Variants in PCDH11X observed in about 807,000 individuals in gnomAD.
PCDH11X encodes the protein protocadherin 11 X-linked.
Under a neutral mutation model 53.3 loss-of-function variants are expected in PCDH11X, and 18 were observed. That is an observed-to-expected ratio of 0.34 (90% confidence interval 0.23 to 0.50). PCDH11X has a LOEUF of 0.50. PCDH11X is among the 20% of genes least tolerant of loss of function. The pLI, the probability that PCDH11X is intolerant of heterozygous loss-of-function variation, is 0.98. For synonymous variants in PCDH11X, 279 were observed against 393.3 expected, an observed-to-expected ratio of 0.71 and a Z score of 3.44; for missense variants, 570 against 1,032.4, an observed-to-expected ratio of 0.55 and a Z score of 6.14.
At chrX:91,990,356 TCATTTG>T (rs2062301935) in intron 6 of PCDH11X, among the ~76,000 whole-genome samples, 1 of 104,874 alleles carries the variant, frequency 9.5e-6, no homozygotes, top group African/African-American at 3.6e-5. Context: ...TTTTTTTTTT[TCATTTG>T]TTTCAATGTG....
chrX:91,849,883 G>A (rs1258721501), intron 5 of PCDH11X, among the ~76,000 whole-genome samples: 4 of 99,362 alleles, frequency 4.0e-5, no homozygotes, highest in Non-Finnish European at 8.1e-5. Context: ...CAAATTTCAT[G>A]AATCATATCC....
chrX:92,200,637 A>T (rs2066373311), intron 6 of PCDH11X, among the ~76,000 whole-genome samples: 1 of 111,601 alleles, frequency 9.0e-6, no homozygotes, highest in Non-Finnish European at 1.9e-5. Flanking sequence ...TGCACTGAGG[A>T]TCTGCGTCCT....
intron 6 of PCDH11X, among the ~76,000 whole-genome samples, chrX:92,075,383 G>A (rs1409469765): frequency 3.7e-5 from 4 of 108,382 alleles, no homozygotes; most frequent in Non-Finnish European, 7.7e-5. Context: ...GTTGTTAACA[G>A]GTACCTCAGC....
chrX:92,403,973 T>C (rs1260547419), intron 9 of PCDH11X, among the ~76,000 whole-genome samples: 1 of 110,394 alleles, frequency 9.1e-6, no homozygotes, highest in African/African-American at 3.3e-5. Flanking sequence ...AAAATGGTGA[T>C]AGCGGCAGAA....
intron 6 of PCDH11X, among the ~76,000 whole-genome samples, chrX:92,135,455 A>G (rs2065067079): frequency 9.0e-6 from 1 of 110,756 alleles, no homozygotes; most frequent in African/African-American, 3.3e-5. Flanking sequence ...ATGATTTTGT[A>G]CAGTAAAAGA....
intron 8 of PCDH11X, among the ~76,000 whole-genome samples, chrX:92,346,605 A>G (rs972610486): frequency 1.8e-5 from 2 of 112,118 alleles, no homozygotes; most frequent in African/African-American, 3.2e-5. Context: ...AAACATACGT[A>G]GTAGACTACA....
chrX:92,273,599 G>C (rs1333628954), intron 8 of PCDH11X, among the ~76,000 whole-genome samples: 2 of 110,322 alleles, frequency 1.8e-5, no homozygotes, highest in East Asian at 5.8e-4. Flanking sequence ...TGGAGAGAGA[G>C]TGGACGATGT....
intron 1 of PCDH11X, among the ~76,000 whole-genome samples, chrX:91,792,151 A>G (rs1027368878): frequency 2.7e-5 from 3 of 110,313 alleles, no homozygotes; most frequent in Admixed American, 1.9e-4. Context: ...GCCCGGCCTC[A>G]TGTTTTAAGA....
chrX:91,864,404 T>TG (rs1252443088), intron 5 of PCDH11X, among the ~76,000 whole-genome samples: 2 of 102,076 alleles, frequency 2.0e-5, no homozygotes, highest in African/African-American at 8.1e-5. Context: ...GTGTGTGTGT[T>TG]TGTGTATTTT....
chrX:92,384,168 GTTGT>G (rs1487672813), intron 8 of PCDH11X, among the ~76,000 whole-genome samples: 1 of 111,182 alleles, frequency 9.0e-6, no homozygotes, highest in African/African-American at 3.3e-5. Context: ...TTTTAATGGG[GTTGT>G]TTGTTTTTTT....
At chrX:92,392,339 A>T (rs2071148837) in intron 9 of PCDH11X, among the ~76,000 whole-genome samples, 1 of 111,213 alleles carries the variant, frequency 9.0e-6, no homozygotes, top group Non-Finnish European at 1.9e-5. Context: ...ATCTCAGGTT[A>T]GCAAATCTGT....
chrX:92,096,162 T>C, intron 6 of PCDH11X, among the ~76,000 whole-genome samples: 1 of 112,134 alleles, frequency 8.9e-6, no homozygotes, highest in Non-Finnish European at 1.9e-5. Flanking sequence ...TGTTGTTTGA[T>C]ATTTTCCAAA....
At chrX:92,126,826 G>A (rs1368510438) in intron 6 of PCDH11X, among the ~76,000 whole-genome samples, 4 of 98,434 alleles carry the variant, frequency 4.1e-5, no homozygotes, top group African/African-American at 1.4e-4. Flanking sequence ...AGAGGAATAT[G>A]TATTTCTTAC....
chrX:92,183,409 A>C (rs1285336484), intron 6 of PCDH11X, among the ~76,000 whole-genome samples: 2 of 110,536 alleles, frequency 1.8e-5, no homozygotes, highest in Non-Finnish European at 3.8e-5. Context: ...GGCATGTGCC[A>C]CCACACCTGG....
At position 92,195,688 on chromosome X, in the gene PCDH11X, G is replaced by A. The variant is rs746893505; in HGVS notation, c.3034-5687G>A. Among the ~76,000 whole-genome samples the A allele has an allele frequency of 6.3e-5, 7 of 111,554 alleles. No individual in the cohort carries two copies. The South Asian group carries it at 2.6e-3, about 41-fold the overall frequency. On this transcript the variant is annotated intron_variant, in intron 6 of 10. Transcript: ENST00000682573. ...AATAAATTTTAGTTTATATTAACCC[G>A]GGGTTGAGTCATTTCTAAACATTCC... is the stretch of plus-strand genomic sequence containing the variant.
intron 7 of PCDH11X, among the ~76,000 whole-genome samples, chrX:92,254,018 C>A (rs2067512460): frequency 8.9e-6 from 1 of 111,824 alleles, no homozygotes; most frequent in East Asian, 2.8e-4. Flanking sequence ...TGTTCCAGAT[C>A]TTAGAGAAAA....
At chrX:92,487,461 T>C (rs2073668708) in intron 10 of PCDH11X, among the ~76,000 whole-genome samples, 1 of 111,136 alleles carries the variant, frequency 9.0e-6, no homozygotes, top group African/African-American at 3.3e-5. Flanking sequence ...TCAGTTAACA[T>C]ACCTGAATCC....
At chrX:91,920,435 C>T (rs1941704691) in intron 6 of PCDH11X, among the ~76,000 whole-genome samples, 3 of 107,715 alleles carry the variant, frequency 2.8e-5, no homozygotes, top group Non-Finnish European at 5.8e-5. Flanking sequence ...CAATTGAAAA[C>T]ACAAGGAAAT....
At chrX:92,499,745 C>T (rs2073928153) in intron 10 of PCDH11X, among the ~76,000 whole-genome samples, 1 of 98,250 alleles carries the variant, frequency 1.0e-5, no homozygotes, top group Admixed American at 1.2e-4. Flanking sequence ...GGTGGGATGA[C>T]CACTTGAGCC....
Sources: allele counts gnomAD v4.1 joint callset (sites outside exome capture counted in the v4.1 genomes callset), GRCh38; gene constraint gnomAD v4.1.1; transcripts MANE v1.5; gene names NCBI Gene and HGNC (gene_info 2026-07-23, HGNC 2026-07-21).